The following SEMA5B variants were observed in gnomAD, a reference collection of about 807,000 sequenced individuals.
The protein encoded by SEMA5B is semaphorin 5B.
SEMA5B carries 66 observed loss-of-function variants against 135.0 expected under a neutral mutation model. The ratio of observed to expected loss-of-function variants is 0.49; its 90% CI spans 0.40 to 0.60. SEMA5B has a LOEUF of 0.60. SEMA5B is among the 20% of genes least tolerant of loss of function. The probability of loss-of-function intolerance (pLI) is 0.00; values close to 1 mark genes in which losing one functional copy is unlikely to be tolerated. For synonymous variants in SEMA5B, 690 were observed against 639.5 expected (o/e 1.08, Z -1.19); for missense variants, 1,501 against 1,566.3 (o/e 0.96, Z 0.70).
intron 5 of SEMA5B, among the ~76,000 whole-genome samples, chr3:122,937,168 G>T (rs938178119): frequency 6.6e-6 from 1 of 152,202 alleles, no homozygotes; most frequent in African/African-American, 2.4e-5. Context: ...TGGCCCAGCC[G>T]CCCTTGTCAG....
rs530802943 is a variant in SEMA5B, at chr3:122,929,695, T to C, written c.475-637A>G. On this transcript the variant is annotated intron_variant, in intron 5 of 22. Coordinates refer to ENST00000357599, the MANE Select transcript of SEMA5B (RefSeq NM_001031702.4). ...GGGCTAGGACTTCCCCTTTCCTAATTGCTCTCCTCCCTCCCACCCCCACTG... is the reference window on the plus strand; with the variant it reads ...GGGCTAGGACTTCCCCTTTCCTAATCGCTCTCCTCCCTCCCACCCCCACTG... 1.4e-3 allele frequency among the ~76,000 whole-genome samples: 216 copies of C among 152,194 alleles called. 1 individual carries two copies. In the Middle Eastern group the frequency reaches 0.017, roughly 12 times the overall value.
At chr3:122,966,166 T>G (rs1174270091) in intron 1 of SEMA5B, among the ~76,000 whole-genome samples, 1 of 152,192 alleles carries the variant, frequency 6.6e-6, no homozygotes, top group Non-Finnish European at 1.5e-5. Flanking sequence ...TATTTGGCAC[T>G]TAATCAAACC....
intron 1 of SEMA5B, among the ~76,000 whole-genome samples, chr3:122,967,045 C>T (rs759610155): frequency 4.6e-5 from 7 of 151,390 alleles, no homozygotes; most frequent in Admixed American, 6.6e-5. Flanking sequence ...CCACCACATC[C>T]GGTTAATTTT....
At position 122,926,666 on chromosome 3, in the gene SEMA5B, C is replaced by A; in HGVS notation, c.862G>T (p.Val288Leu). The change falls in exon 9 of 23, where the codon GTG becomes TTG. Residue 288 changes from valine (V) to leucine (L), a missense_variant. Coordinates refer to ENST00000357599, the MANE Select transcript of SEMA5B (RefSeq NM_001031702.4). ...AACAGCCCAATATCATAGGCTGCCA[C>A]GAAGTTTGGCTCTGGGTGGGCAGAA... is the stretch of plus-strand genomic sequence containing the variant. ...NSKWLNEPNF[V>L]AAYDIGLFAY... 1 of 1,610,430 alleles carries A rather than the reference C, an allele frequency of 6.2e-7. No homozygotes were observed. Among genetic ancestry groups the A allele is most frequent in the Non-Finnish European group, 8.5e-7 (1 of 1,176,786 alleles).
chr3:123,015,223 G>A (rs1035909433), intron 1 of SEMA5B, among the ~76,000 whole-genome samples: 1 of 152,154 alleles, frequency 6.6e-6, no homozygotes, highest in African/African-American at 2.4e-5. Flanking sequence ...CTCAGTGTGG[G>A]GTGTTTTGTT....
At chr3:122,922,148 A>G (rs1398064242) in intron 11 of SEMA5B, 26 bp from the exon 12 acceptor site, 1 of 1,541,256 alleles carries the variant, frequency 6.5e-7, no homozygotes, top group Non-Finnish European at 8.8e-7. Context: ...AGCCAGACCA[A>G]GGTGGCCTTG....
At chr3:122,994,001 C>T (rs182555030) in intron 1 of SEMA5B, among the ~76,000 whole-genome samples, 224 of 152,182 alleles carry the variant, frequency 1.5e-3, no homozygotes, top group Non-Finnish European at 2.6e-3. Flanking sequence ...AGAAGCCTCT[C>T]CCCACCTGGC....
intron 1 of SEMA5B, among the ~76,000 whole-genome samples, chr3:122,994,350 G>A (rs1049391789): frequency 6.6e-6 from 1 of 152,166 alleles, no homozygotes; most frequent in Admixed American, 6.5e-5. Context: ...TACCACAGAG[G>A]AGGCCAGGAC....
chr3:122,934,185 G>A (rs1276748968), intron 5 of SEMA5B, among the ~76,000 whole-genome samples: 1 of 151,642 alleles, frequency 6.6e-6, no homozygotes, highest in Non-Finnish European at 1.5e-5. Flanking sequence ...GGGATTACAG[G>A]CGTGAGCCAC....
intron 1 of SEMA5B, among the ~76,000 whole-genome samples, chr3:123,004,123 C>T (rs1003333081): frequency 3.9e-5 from 6 of 152,168 alleles, no homozygotes; most frequent in African/African-American, 1.4e-4. Flanking sequence ...TTAGGCAAGC[C>T]CAAGTTTCAC....
At chr3:122,975,809 A>T (rs983714140) in intron 1 of SEMA5B, among the ~76,000 whole-genome samples, 3 of 151,928 alleles carry the variant, frequency 2.0e-5, no homozygotes, top group Non-Finnish European at 2.9e-5. Flanking sequence ...ATTTGGTCAC[A>T]TTACTCTGCT....
In SEMA5B at chr3:122,943,420, T is replaced by C. The variant is rs1224948798; in HGVS notation, c.428+16A>G. On this transcript the variant is annotated intron_variant, in intron 4 of 22. Coordinates refer to ENST00000357599, the MANE Select transcript of SEMA5B (RefSeq NM_001031702.4). ...GCCCCTGCACTTCCCACCCCGACCC[T>C]TCTGCCCCTTGTTACCTGGCTCCCA... 5 of 1,565,780 alleles carry C rather than the reference T, an allele frequency of 3.2e-6. No individual in the cohort carries two copies. Among genetic ancestry groups the C allele is most frequent in the Admixed American group, 3.7e-5 (2 of 54,674 alleles).
At chr3:122,948,862 G>A (rs937902818) in intron 2 of SEMA5B, among the ~76,000 whole-genome samples, 153 bp from the exon 3 acceptor site, 2 of 152,176 alleles carry the variant, frequency 1.3e-5, no homozygotes, top group Non-Finnish European at 1.5e-5. Flanking sequence ...TAGTAAATGC[G>A]AAGATATAGA....
chr3:122,927,987 C>T lies in SEMA5B; in HGVS notation c.653G>A (p.Arg218Gln), dbSNP rs201401928. Residue 218 changes from arginine to glutamine, a missense_variant, in exon 8 of 23, where the codon CGG (arginine) becomes CAG (glutamine). Physicochemically the swap from Arg to Gln is conservative, Grantham distance 43. Coordinates refer to ENST00000357599, the MANE Select transcript of SEMA5B (RefSeq NM_001031702.4). ...CTSRQVGNLS[R>Q]TIEKINGVAR... is the part of the protein sequence containing the mutation. ...CACACCATTGATCTTCTCAATAGTC[C>T]GGCTGAGGTTCCCCACCTGGGGACA... The T allele has an allele frequency of 8.5e-5, 126 of 1,476,324 alleles. 1 individual carries two copies. Among genetic ancestry groups the T allele is most frequent in the South Asian group, 8.2e-4 (56 of 68,664 alleles). 91.5% of individuals were successfully genotyped at this position (1,476,324 alleles called of 1,614,324 possible).
chr3:122,928,664 G>GCATCGCAC, intron 6 of SEMA5B, 49 bp from the exon 7 acceptor site: 1 of 1,330,684 alleles, frequency 7.5e-7, no homozygotes. Flanking sequence ...CAGGTGCGAT[G>GCATCGCAC]CTGGATATCT....
chr3:122,974,645 G>A (rs952057330), intron 1 of SEMA5B, among the ~76,000 whole-genome samples: 1 of 152,146 alleles, frequency 6.6e-6, no homozygotes, highest in Non-Finnish European at 1.5e-5. Flanking sequence ...TTCCAGCCCT[G>A]GGCCAGGGGG....
intron 1 of SEMA5B, among the ~76,000 whole-genome samples, chr3:123,005,524 G>C (rs9860720): frequency 0.22 from 33,062 of 152,000 alleles, 4,692 homozygotes; most frequent in African/African-American, 0.41. Flanking sequence ...CCCATACCTG[G>C]CTAATTTTTT....
chr3:122,950,079 A>G (rs1939976662), intron 2 of SEMA5B, among the ~76,000 whole-genome samples: 1 of 152,272 alleles, frequency 6.6e-6, no homozygotes, highest in African/African-American at 2.4e-5. Context: ...GGGTGATTAT[A>G]GAACTTCTAG....
At chr3:122,968,009 G>A (rs990222654) in intron 1 of SEMA5B, among the ~76,000 whole-genome samples, 19 of 152,224 alleles carry the variant, frequency 1.2e-4, no homozygotes, top group Non-Finnish European at 2.2e-4. Context: ...GAGCTAGCAC[G>A]TGTTCCACGC....
Sources: allele counts gnomAD v4.1 joint callset (sites outside exome capture counted in the v4.1 genomes callset), GRCh38; gene constraint gnomAD v4.1.1; transcripts MANE v1.5; gene names NCBI Gene and HGNC (gene_info 2026-07-23, HGNC 2026-07-21).